Variants in KCNH1 observed in about 807,000 individuals in gnomAD.
KCNH1 encodes the protein potassium voltage-gated channel subfamily H member 1, also known as voltage-gated delayed rectifier potassium channel KCNH1.
In KCNH1, 27 loss-of-function variants were observed where a neutral mutation model predicts 69.2. That is an observed-to-expected ratio of 0.39 (90% CI 0.29 to 0.54). KCNH1 has a LOEUF of 0.54. Among genes scored for constraint, KCNH1 ranks in the 20% least tolerant of loss-of-function variants. The pLI is 0.68. For missense variants in KCNH1, 798 were observed against 1,261.6 expected, an observed-to-expected ratio of 0.63 and a Z score of 5.57; for synonymous variants, 456 against 487.7, an observed-to-expected ratio of 0.93 and a Z score of 0.86.
intron 10 of KCNH1, among the ~76,000 whole-genome samples, chr1:210,752,718 A>T (rs1683307790): frequency 6.6e-6 from 1 of 152,100 alleles, no homozygotes; most frequent in African/African-American, 2.4e-5. Flanking sequence ...GAGGAAAGGG[A>T]TGTGTAGTTG....
chr1:210,811,867 G>C (rs1249399810), intron 7 of KCNH1, among the ~76,000 whole-genome samples: 1 of 152,134 alleles, frequency 6.6e-6, no homozygotes. Flanking sequence ...CCAGAACCCA[G>C]GATCTGACTC....
At chr1:210,724,635 G>C (rs966085976) in intron 10 of KCNH1, among the ~76,000 whole-genome samples, 1 of 152,166 alleles carries the variant, frequency 6.6e-6, no homozygotes, top group African/African-American at 2.4e-5. Flanking sequence ...TTGCAAACAG[G>C]ATTTTCAGAC....
chr1:210,802,845 CA>C (rs929094005), intron 8 of KCNH1, among the ~76,000 whole-genome samples: 20 of 152,060 alleles, frequency 1.3e-4, no homozygotes, highest in Non-Finnish European at 1.3e-4. Context: ...GGGCACTTGT[CA>C]AAAATGCATG....
chr1:210,861,543 G>A (rs758567391), intron 7 of KCNH1: 10 of 772,304 alleles, frequency 1.3e-5, no homozygotes, highest in Middle Eastern at 3.6e-4. Flanking sequence ...TCTTCAATTC[G>A]AAGTGTTTCA....
At chr1:210,955,447 T>C (rs936888583) in intron 6 of KCNH1, among the ~76,000 whole-genome samples, 3 of 152,200 alleles carry the variant, frequency 2.0e-5, no homozygotes, top group African/African-American at 7.2e-5. Flanking sequence ...AGAAAGTCAT[T>C]GGTAGCTTGA....
intron 10 of KCNH1, among the ~76,000 whole-genome samples, chr1:210,690,319 G>C (rs1181639544): frequency 6.6e-6 from 1 of 152,200 alleles, no homozygotes; most frequent in Admixed American, 6.5e-5. Context: ...TGCACACACT[G>C]TATAGCTCCT....
intron 9 of KCNH1, among the ~76,000 whole-genome samples, chr1:210,777,373 G>A (rs1683881984): frequency 6.6e-6 from 1 of 152,182 alleles, no homozygotes; most frequent in Non-Finnish European, 1.5e-5. Context: ...GTTTTACTGA[G>A]TCAATGTGAA....
intron 6 of KCNH1, among the ~76,000 whole-genome samples, chr1:210,992,195 G>A (rs1220021148): frequency 2.6e-5 from 4 of 152,062 alleles, no homozygotes; most frequent in African/African-American, 7.2e-5. Flanking sequence ...TGAGAACACC[G>A]CAATTCAGAG....
chr1:210,877,925 G>T (rs1249931530), intron 7 of KCNH1, among the ~76,000 whole-genome samples: 1 of 152,020 alleles, frequency 6.6e-6, no homozygotes, highest in Non-Finnish European at 1.5e-5. Flanking sequence ...GCAAGAAATT[G>T]ATTAAATGCA....
intron 6 of KCNH1, among the ~76,000 whole-genome samples, chr1:210,958,240 A>G (rs1688219626): frequency 1.3e-5 from 2 of 151,696 alleles, no homozygotes. Flanking sequence ...ATTGGGCCCC[A>G]CTCTCTTCTG....
intron 10 of KCNH1, among the ~76,000 whole-genome samples, chr1:210,729,183 A>G (rs1293989737): frequency 6.6e-6 from 1 of 152,240 alleles, no homozygotes; most frequent in East Asian, 1.9e-4. Context: ...AAAAGGAAAG[A>G]AAATTTAGAG....
chr1:210,751,676 G>A (rs965898435), intron 10 of KCNH1, among the ~76,000 whole-genome samples: 9 of 152,070 alleles, frequency 5.9e-5, no homozygotes, highest in Non-Finnish European at 1.2e-4. Flanking sequence ...GAAAATGTGA[G>A]GGTGGAATCC....
intron 10 of KCNH1, among the ~76,000 whole-genome samples, chr1:210,704,299 C>T (rs972894441): frequency 3.9e-5 from 6 of 152,164 alleles, no homozygotes; most frequent in East Asian, 3.9e-4. Context: ...TTATCAACCT[C>T]ATTTCTAATA....
chr1:211,005,377 T>C (rs954958436), intron 6 of KCNH1, among the ~76,000 whole-genome samples: 4 of 152,144 alleles, frequency 2.6e-5, no homozygotes, highest in African/African-American at 9.7e-5. Flanking sequence ...CAAAACTACA[T>C]TGATTAACAC....
At chr1:210,780,314 AT>A (rs1683951592) in intron 9 of KCNH1, among the ~76,000 whole-genome samples, 1 of 152,160 alleles carries the variant, frequency 6.6e-6, no homozygotes, top group Admixed American at 6.5e-5. Flanking sequence ...ATTTCCTATT[AT>A]ATGCTCTTTT....
intron 6 of KCNH1, among the ~76,000 whole-genome samples, chr1:210,951,660 T>C (rs1688064658): frequency 6.6e-6 from 1 of 152,214 alleles, no homozygotes; most frequent in Non-Finnish European, 1.5e-5. Flanking sequence ...CAGTAGATTA[T>C]GCTTTTTCTG....
At chr1:210,810,336 A>G (rs1684677055) in intron 7 of KCNH1, among the ~76,000 whole-genome samples, 1 of 152,182 alleles carries the variant, frequency 6.6e-6, no homozygotes, top group Admixed American at 6.5e-5. Context: ...GCTTTCTACA[A>G]GGTTCTGAAA....
At chr1:210,794,908 A>T (rs1684277710) in intron 9 of KCNH1, among the ~76,000 whole-genome samples, 1 of 152,210 alleles carries the variant, frequency 6.6e-6, no homozygotes, top group Non-Finnish European at 1.5e-5. Context: ...TATTAAAGGT[A>T]GTGAAAAATG....
At chr1:210,839,013 G>A (rs545135285) in intron 7 of KCNH1, among the ~76,000 whole-genome samples, 3 of 152,256 alleles carry the variant, frequency 2.0e-5, no homozygotes, top group Non-Finnish European at 4.4e-5. Flanking sequence ...ATTCCTCAAA[G>A]ACCTAGAGGC....
Sources: gnomAD v4.1 joint callset for allele counts (sites outside exome capture counted in the v4.1 genomes callset) on GRCh38, gnomAD v4.1.1 for gene constraint, MANE v1.5 for transcripts, NCBI Gene and HGNC (gene_info 2026-07-23, HGNC 2026-07-21) for gene names.